Variants in BMPR2 observed in about 807,000 individuals in gnomAD.
BMPR2 encodes bone morphogenetic protein receptor type 2, also known as bone morphogenetic protein receptor type-2.
A neutral mutation model predicts 100.8 loss-of-function variants in BMPR2; 29 were observed. The ratio of observed to expected loss-of-function variants is 0.29; its 90% CI spans 0.21 to 0.39. The LOEUF (loss-of-function observed/expected upper bound fraction) is 0.39. BMPR2 is among the 10% of genes least tolerant of loss of function. The pLI is 1.00. For synonymous variants in BMPR2, 382 were observed against 442.3 expected (o/e 0.86, Z 1.71); for missense variants, 1,011 against 1,274.5 (o/e 0.79, Z 3.15).
intron 9 of BMPR2, among the ~76,000 whole-genome samples, chr2:202,533,449 C>T (rs972329340): frequency 6.6e-6 from 1 of 152,008 alleles, no homozygotes; most frequent in African/African-American, 2.4e-5. Flanking sequence ...ATTGCTTGAA[C>T]CCGGGAGGCA....
intron 1 of BMPR2, among the ~76,000 whole-genome samples, chr2:202,451,675 G>A (rs1401951242): frequency 2.0e-5 from 3 of 152,122 alleles, no homozygotes; most frequent in Admixed American, 1.3e-4. Flanking sequence ...CTCCAGCCTG[G>A]GGGACAAGAA....
intron 1 of BMPR2, among the ~76,000 whole-genome samples, chr2:202,440,507 C>T (rs1691716147): frequency 2.0e-5 from 3 of 148,032 alleles, no homozygotes; most frequent in African/African-American, 7.8e-5. Flanking sequence ...AGAGGGGCTC[C>T]TCACATCCCA....
At position 202,565,902 on chromosome 2, in the gene BMPR2, A is replaced by G. The variant is rs1049940029; in HGVS notation, c.*5956A>G. On this transcript the variant is annotated 3_prime_UTR_variant, in exon 13 of 13. Transcript: ENST00000374580. ...ATACATTTGAAAGTACTTCAGAAGA[A>G]TTTATGCTGTATATTAAAACTAGGC... The G allele has an allele frequency of 6.6e-6, 1 of 152,162 alleles. No homozygotes were observed. The highest frequency in any genetic ancestry group is 2.4e-5 in the African/African-American group (1 of 41,462). The allele number at this position is 152,162 out of a possible 1,614,324, so 9.4% of individuals were successfully genotyped here. A position where few individuals can be genotyped will look rare whatever the true frequency, so the allele number is the denominator to read the frequency against.
chr2:202,497,009 C>T (rs1311977202), intron 3 of BMPR2, among the ~76,000 whole-genome samples: 3 of 152,250 alleles, frequency 2.0e-5, no homozygotes, highest in East Asian at 1.9e-4. Context: ...TCGGAGCAGC[C>T]GGCCAGCCCT....
At chr2:202,400,753 A>G (rs1176760064) in intron 1 of BMPR2, among the ~76,000 whole-genome samples, 2 of 152,142 alleles carry the variant, frequency 1.3e-5, no homozygotes, top group African/African-American at 2.4e-5. Flanking sequence ...CATAGTTTTA[A>G]ATCTTTAACT....
intron 1 of BMPR2, among the ~76,000 whole-genome samples, chr2:202,397,881 G>T (rs1392064735): frequency 6.6e-6 from 1 of 151,602 alleles, no homozygotes; most frequent in African/African-American, 2.4e-5. Context: ...AGCACTTTGG[G>T]AGGCTGAGGT....
intron 7 of BMPR2, among the ~76,000 whole-genome samples, chr2:202,530,332 C>G (rs1225374352): frequency 2.6e-5 from 4 of 152,006 alleles, no homozygotes; most frequent in Non-Finnish European, 5.9e-5. Flanking sequence ...AACCTCAGGG[C>G]AGAACTGGAA....
At chr2:202,538,645 T>G (rs1456728847) in intron 9 of BMPR2, among the ~76,000 whole-genome samples, 2 of 151,608 alleles carry the variant, frequency 1.3e-5, no homozygotes, top group Non-Finnish European at 2.9e-5. Flanking sequence ...TACAAAAAAA[T>G]TAGCCGGGCT....
At chr2:202,406,777 G>C (rs1224452109) in intron 1 of BMPR2, among the ~76,000 whole-genome samples, 1 of 152,148 alleles carries the variant, frequency 6.6e-6, no homozygotes, top group African/African-American at 2.4e-5. Flanking sequence ...TGTTTCACTT[G>C]GTTGCTACTG....
chr2:202,432,360 A>T (rs1691523149), intron 1 of BMPR2, among the ~76,000 whole-genome samples: 2 of 150,638 alleles, frequency 1.3e-5, no homozygotes, highest in Admixed American at 6.6e-5. Flanking sequence ...ATGCTGTTTC[A>T]TTCCATTAGC....
intron 1 of BMPR2, among the ~76,000 whole-genome samples, chr2:202,378,943 A>T (rs1156460865): frequency 6.6e-6 from 1 of 152,240 alleles, no homozygotes; most frequent in Non-Finnish European, 1.5e-5. Context: ...TTTTTAGAAT[A>T]TAGATTCTCA....
chr2:202,395,536 G>T (rs771171966), intron 1 of BMPR2, among the ~76,000 whole-genome samples: 5 of 152,216 alleles, frequency 3.3e-5, no homozygotes, highest in Non-Finnish European at 7.3e-5. Context: ...CTACTAAATT[G>T]TAAGTTTAAA....
intron 1 of BMPR2, among the ~76,000 whole-genome samples, chr2:202,438,481 A>G (rs924304963): frequency 1.3e-5 from 2 of 149,068 alleles, no homozygotes; most frequent in East Asian, 2.0e-4. Context: ...CATTCTATCT[A>G]TTTTTCCTTT....
In BMPR2 at chr2:202,527,309, A is replaced by G. The variant is rs530858339; in HGVS notation, c.968-3485A>G. Among the ~76,000 whole-genome samples, 19 of 149,566 alleles carry G rather than the reference A, an allele frequency of 1.3e-4. No individual in the cohort carries two copies. The Admixed American group carries it at 1.3e-3, about 10-fold the overall frequency. On this transcript the variant is annotated intron_variant, in intron 7 of 12. Transcript: ENST00000374580. Reference sequence around the variant, plus strand: ...GAAACCATTCTGGCCAACATGTGAAACCCTGTCTCTACTAAAAATACAAAA... The same window carrying G: ...GAAACCATTCTGGCCAACATGTGAAGCCCTGTCTCTACTAAAAATACAAAA...
At chr2:202,465,100 A>G in intron 2 of BMPR2, 121 bp downstream of exon 2, 1 of 1,317,356 alleles carries the variant, frequency 7.6e-7, no homozygotes, top group Non-Finnish European at 1.1e-6. Context: ...AAGTGTATAT[A>G]TAAAGCCAGG....
Position 202,484,256 on chromosome 2 carries a change from TC to T in BMPR2, c.418+16572del, listed in dbSNP as rs754957210. 5.9e-5 allele frequency among the ~76,000 whole-genome samples: 9 copies of T among 152,320 alleles called. No individual in the cohort carries two copies. The East Asian group carries it at 1.5e-3, about 26-fold the overall frequency. On this transcript the variant is annotated intron_variant, in intron 3 of 12. Transcript: ENST00000374580. ...ATTCTAAACACATCACTTTGGTTGT[TC>T]CCCCAATACTTGTCTGTTGTTTAAA...
rs139341781 is a variant in BMPR2 at position 202,438,367 on chromosome 2, T to C, written c.77-26442T>C. On this transcript the variant is annotated intron_variant, in intron 1 of 12. Coordinates refer to ENST00000374580, the MANE Select transcript of BMPR2 (RefSeq NM_001204.7). ...GTTCTTTTTATATTCTGGATACTAG[T>C]ACTTTGTTAGTTATATGACTTGTAA... Among the ~76,000 whole-genome samples the C allele has an allele frequency of 7.6e-3, 1,151 of 150,784 alleles. 112 individuals carry two copies. The highest frequency in any genetic ancestry group is 0.026 in the African/African-American group (1,059 of 40,100).
intron 1 of BMPR2, among the ~76,000 whole-genome samples, chr2:202,436,255 C>G (rs762385256): frequency 2.0e-5 from 3 of 150,444 alleles, no homozygotes; most frequent in Non-Finnish European, 4.4e-5. Flanking sequence ...GAGTTAGAGA[C>G]CAGCCTGGGC....
chr2:202,443,633 G>A (rs1249850821), intron 1 of BMPR2, among the ~76,000 whole-genome samples: 3 of 149,148 alleles, frequency 2.0e-5, no homozygotes, highest in Non-Finnish European at 4.4e-5. Context: ...GCGCGATCTC[G>A]GCTGACTACA....
Sources: allele counts gnomAD v4.1 joint callset (sites outside exome capture counted in the v4.1 genomes callset), GRCh38; gene constraint gnomAD v4.1.1; transcripts MANE v1.5; gene names NCBI Gene and HGNC (gene_info 2026-07-23, HGNC 2026-07-21).